Variants in RNF145 observed in about 807,000 individuals in gnomAD.
The protein encoded by RNF145 is ring finger protein 145.
RNF145 carries 12 observed loss-of-function variants against 57.3 expected under a neutral mutation model. The ratio of observed to expected loss-of-function variants is 0.21; its 90% CI spans 0.13 to 0.34. The LOEUF (loss-of-function observed/expected upper bound fraction) is 0.34, where lower values mean the gene tolerates loss of function less well. RNF145 is among the 10% of genes least tolerant of loss of function. The pLI is 1.00. For synonymous variants in RNF145, 262 were observed against 288.3 expected (o/e 0.91, Z 0.92); for missense variants, 429 against 799.0 (o/e 0.54, Z 5.58).
intron 4 of RNF145, among the ~76,000 whole-genome samples, chr5:159,181,154 G>T (rs1331463785): frequency 1.3e-5 from 2 of 150,358 alleles, no homozygotes; most frequent in African/African-American, 2.4e-5. Context: ...GTTTTTTAAT[G>T]TAAGAAAATA....
chr5:159,203,975 T>G (rs774927913), intron 1 of RNF145, among the ~76,000 whole-genome samples: 2 of 152,226 alleles, frequency 1.3e-5, no homozygotes, highest in Non-Finnish European at 2.9e-5. Flanking sequence ...TGTATAAAAT[T>G]AACTTGAAAA....
intron 3 of RNF145, among the ~76,000 whole-genome samples, chr5:159,186,744 A>G (rs1168891492): frequency 6.6e-6 from 1 of 152,112 alleles, no homozygotes; most frequent in Non-Finnish European, 1.5e-5. Flanking sequence ...CCTCCTAGAT[A>G]TTGAGTGCCT....
intron 4 of RNF145, among the ~76,000 whole-genome samples, chr5:159,181,730 AC>A (rs61022929): frequency 0.12 from 18,237 of 151,922 alleles, 1,435 homozygotes; most frequent in South Asian, 0.2. Context: ...CCTTAAAAAA[AC>A]ACAAGCAACT....
Position 159,203,552 on chromosome 5 carries a change from C to A in RNF145, c.66G>T (p.Leu22=), listed in dbSNP as rs1785745295. Residue 22 remains leucine, a synonymous_variant, in exon 2 of 11, where the codon CTG becomes CTT. Coordinates refer to ENST00000424310, the MANE Select transcript of RNF145 (RefSeq NM_001199383.2). The part of the protein sequence containing the change: ...NVALRVPSIM[L]LDVLYRWDVS... Reference sequence around the variant, plus strand: ...CATCCCATCTGTACAGGACATCCAACAGCATGATGCTTGGCACCCTCAGGG... The same window carrying A: ...CATCCCATCTGTACAGGACATCCAAAAGCATGATGCTTGGCACCCTCAGGG... 6.2e-7 allele frequency: 1 copy of A among 1,613,844 alleles called. No homozygotes were observed. The highest frequency in any genetic ancestry group is 1.1e-5 in the South Asian group (1 of 91,078).
At chr5:159,198,963 G>T (rs1206087354) in intron 2 of RNF145, among the ~76,000 whole-genome samples, 1 of 152,120 alleles carries the variant, frequency 6.6e-6, no homozygotes, top group Non-Finnish European at 1.5e-5. Context: ...GCGCAAGAGT[G>T]AGACCCTGTC....
intron 8 of RNF145, among the ~76,000 whole-genome samples, chr5:159,164,560 T>C (rs898558416): frequency 6.6e-6 from 1 of 152,154 alleles, no homozygotes; most frequent in African/African-American, 2.4e-5. Flanking sequence ...GGTGGATATA[T>C]ACACACAAAC....
intron 1 of RNF145, among the ~76,000 whole-genome samples, chr5:159,204,753 G>A (rs756953808): frequency 4.8e-5 from 6 of 124,576 alleles, no homozygotes; most frequent in Non-Finnish European, 6.2e-5. Flanking sequence ...GCAGTGAGCA[G>A]AGATCACAAT....
Position 159,194,757 on chromosome 5 carries a change from A to C in RNF145, c.252T>G (p.Phe84Leu). The part of the protein sequence containing the change: ...RQHLVQLYLY[F>L]LTALLLYAGH... ...CAGCATAGAGGAGCAGAGCAGTCAA[A>C]AAATATAGATAAAGCTGAACCAGAT... Residue 84 changes from phenylalanine (F) to leucine (L), a missense_variant, in exon 3 of 11, where the codon TTT (phenylalanine) becomes TTG (leucine). By Grantham distance (22) the Phe-to-Leu change is conservative (BLOSUM62 0). Transcript: ENST00000424310. 2 of 1,613,834 alleles carry C rather than the reference A, an allele frequency of 1.2e-6. No individual in the cohort carries two copies. Among genetic ancestry groups the C allele is most frequent in the Non-Finnish European group, 1.7e-6 (2 of 1,179,748 alleles).
intron 6 of RNF145, among the ~76,000 whole-genome samples, chr5:159,172,464 A>G (rs556671490): frequency 1.2e-3 from 187 of 152,168 alleles, no homozygotes; most frequent in African/African-American, 4.3e-3. Context: ...TGGGCGACGG[A>G]GCCAGATTCC....
At chr5:159,181,438 T>G (rs1346724855) in intron 4 of RNF145, among the ~76,000 whole-genome samples, 1 of 152,132 alleles carries the variant, frequency 6.6e-6, no homozygotes, top group Non-Finnish European at 1.5e-5. Flanking sequence ...TTTTTTGCAT[T>G]TTGGCATGGT....
At position 159,158,723 on chromosome 5, in the gene RNF145, T is replaced by C; in HGVS notation, c.1939A>G (p.Lys647Glu). ...TCTTTCGCACTGTGAGGATATTCTT[T>C]GGGGTCAAAAGCCCCTTCCTGGTTA... The part of the protein sequence containing the change: ...PDNQEGAFDP[K>E]EYPHSAKDEA... Residue 647 changes from lysine (K) to glutamate (E), a missense_variant, in exon 11 of 11, where the codon AAA (lysine) becomes GAA (glutamate). By Grantham distance (56) the Lys-to-Glu change is moderately conservative. Transcript: ENST00000424310. The C allele has an allele frequency of 6.2e-7, 1 of 1,614,012 alleles. No homozygotes were observed. Among genetic ancestry groups the C allele is most frequent in the Non-Finnish European group, 8.5e-7 (1 of 1,179,862 alleles).
Position 159,161,529 on chromosome 5 carries a change from T to A in RNF145, c.1363A>T (p.Asn455Tyr). ...ENMDDVIYYV[N>Y]GTYRLLEFLV... is the part of the protein sequence containing the mutation. Reference sequence around the variant, plus strand: ...AACTCCAGCAGGCGGTAAGTGCCATTCACATAGTAGATGACATCATCCATG... The same window carrying A: ...AACTCCAGCAGGCGGTAAGTGCCATACACATAGTAGATGACATCATCCATG... The change falls in exon 10 of 11, where the codon AAT becomes TAT. Residue 455 changes from asparagine to tyrosine, a missense_variant. This residue lies in a region of RNF145 where 216 missense variants were observed against 457.6 expected (regional missense o/e 0.47). Coordinates refer to ENST00000424310, the MANE Select transcript of RNF145 (RefSeq NM_001199383.2). 1 of 1,613,956 alleles carries A rather than the reference T, an allele frequency of 6.2e-7. No individual in the cohort carries two copies. Among genetic ancestry groups the A allele is most frequent in the Non-Finnish European group, 8.5e-7 (1 of 1,179,916 alleles).
intron 5 of RNF145, among the ~76,000 whole-genome samples, chr5:159,174,784 T>TAA (rs369542508): frequency 4.9e-5 from 7 of 143,878 alleles, no homozygotes; most frequent in South Asian, 2.2e-4. Flanking sequence ...GGATATATCT[T>TAA]AAAAAAAAAA....
intron 3 of RNF145, among the ~76,000 whole-genome samples, chr5:159,190,466 T>A (rs1332915993): frequency 6.6e-6 from 1 of 151,896 alleles, no homozygotes; most frequent in Non-Finnish European, 1.5e-5. Flanking sequence ...CAGGAGGATA[T>A]CTTGAGGGCA....
intron 2 of RNF145, among the ~76,000 whole-genome samples, chr5:159,195,402 T>G (rs1785425576): frequency 6.6e-6 from 1 of 152,192 alleles, no homozygotes; most frequent in South Asian, 2.1e-4. Context: ...GTCAAATGTT[T>G]GAAAAGATCT....
chr5:159,160,613 C>G (rs1019046888), intron 10 of RNF145, among the ~76,000 whole-genome samples: 1 of 152,190 alleles, frequency 6.6e-6, no homozygotes, highest in Non-Finnish European at 1.5e-5. Flanking sequence ...TGATTAAACT[C>G]TAGGTCTTTT....
Position 159,169,790 on chromosome 5 carries a change from G to C in RNF145, c.827C>G (p.Ser276Cys), listed in dbSNP as rs1471113421. Residue 276 changes from serine to cysteine, a missense_variant, in exon 7 of 11, where the codon TCT becomes TGT. By Grantham distance (112) the Ser-to-Cys change is moderately radical. Coordinates refer to ENST00000424310, the MANE Select transcript of RNF145 (RefSeq NM_001199383.2). ...SIAECCSTPY[S>C]LLGLVFTVSF... ...AACCGTGAAGACCAAACCCAAAAGA[G>C]AGTAAGGAGTGCTGCAGCATTCCGC... 1 of 1,612,186 alleles carries C rather than the reference G, an allele frequency of 6.2e-7. No homozygotes were observed. Among genetic ancestry groups the C allele is most frequent in the African/African-American group, 1.3e-5 (1 of 74,758 alleles).
rs770610400 is a variant in RNF145 at position 159,169,753 on chromosome 5, G to A, written c.864C>T (p.Ala288=). Residue 288 remains alanine, a synonymous_variant, in exon 7 of 11, where the codon GCC becomes GCT. Transcript: ENST00000424310. ...ACTTGCAGAGTGTGAGAACACCCAA[G>A]GCAACAAAAGAAACCGTGAAGACCA... ...LGLVFTVSFV[A]LGVLTLCKFY... is the part of the protein sequence containing the mutation. 6.2e-7 allele frequency: 1 copy of A among 1,613,024 alleles called. No homozygotes were observed. The highest frequency in any genetic ancestry group is 1.1e-5 in the South Asian group (1 of 90,986).
intron 4 of RNF145, among the ~76,000 whole-genome samples, chr5:159,177,204 A>C (rs185809953): frequency 2.3e-4 from 35 of 152,234 alleles, no homozygotes; most frequent in Non-Finnish European, 4.0e-4. Flanking sequence ...GTTTATACAT[A>C]ACTTCTTTTC....
Sources: gnomAD v4.1 joint callset for allele counts (sites outside exome capture counted in the v4.1 genomes callset) on GRCh38, gnomAD v4.1.1 for gene constraint, gnomAD v4.1.1 regional missense constraint, MANE v1.5 for transcripts, NCBI Gene and HGNC (gene_info 2026-07-23, HGNC 2026-07-21) for gene names.